The following SBF2 variants were observed in gnomAD, a reference collection of about 807,000 sequenced individuals.
The protein encoded by SBF2 is SET binding factor 2, also known as myotubularin-related protein 13.
A neutral mutation model predicts 225.2 loss-of-function variants in SBF2; 112 were observed. The ratio of observed to expected loss-of-function variants is 0.50; its 90% CI spans 0.43 to 0.58. The LOEUF (loss-of-function observed/expected upper bound fraction) is 0.58. Among genes scored for constraint, SBF2 ranks in the 20% least tolerant of loss-of-function variants. The pLI, the probability that SBF2 is intolerant of heterozygous loss-of-function variation, is 0.00. For missense variants in SBF2, 1,996 were observed against 2,206.2 expected, an observed-to-expected ratio of 0.90 and a Z score of 1.91; for synonymous variants, 763 against 773.3, an observed-to-expected ratio of 0.99 and a Z score of 0.22.
At chr11:9,845,932 A>G (rs1564908643) in intron 23 of SBF2, among the ~76,000 whole-genome samples, 192 bp from the exon 24 acceptor site, 1 of 152,222 alleles carries the variant, frequency 6.6e-6, no homozygotes, top group Admixed American at 6.5e-5. Context: ...ATAAATGGCT[A>G]GTTGGCAAGG....
chr11:10,074,930 T>A (rs555286553), intron 2 of SBF2, among the ~76,000 whole-genome samples: 1 of 152,222 alleles, frequency 6.6e-6, no homozygotes, highest in African/African-American at 2.4e-5. Context: ...GATATAATAG[T>A]TTAAAAGTTA....
At chr11:9,939,100 T>C (rs1235177106) in intron 16 of SBF2, among the ~76,000 whole-genome samples, 1 of 147,002 alleles carries the variant, frequency 6.8e-6, no homozygotes, top group Non-Finnish European at 1.5e-5. Context: ...ATTTTATTTA[T>C]TTTATTTTAC....
intron 3 of SBF2, 76 bp from the exon 4 acceptor site, chr11:10,031,246 C>G (rs1949245369): frequency 2.2e-6 from 3 of 1,370,660 alleles, no homozygotes; most frequent in Admixed American, 3.6e-5. Context: ...TGAATATCAC[C>G]TTAAATATAA....
Position 9,961,977 on chromosome 11 carries a change from T to A in SBF2, c.1840A>T (p.Met614Leu). The A allele has an allele frequency of 6.2e-7, 1 of 1,613,852 alleles. No homozygotes were observed. Among genetic ancestry groups the A allele is most frequent in the Non-Finnish European group, 8.5e-7 (1 of 1,179,768 alleles). Residue 614 changes from methionine to leucine, a missense_variant, in exon 16 of 40, where the codon ATG (methionine) becomes TTG (leucine). Transcript: ENST00000256190. The part of the protein sequence containing the change: ...DHQQFDYIIR[M>L]MNCTLQDCSS... The stretch of plus-strand genomic sequence containing the variant: ...ATTACCTGTAGAGTACAATTCATCA[T>A]CCTTATTATGTAGTCAAACTGTTGA...
intron 26 of SBF2, among the ~76,000 whole-genome samples, chr11:9,835,092 C>T (rs931082199): frequency 6.6e-6 from 1 of 152,202 alleles, no homozygotes; most frequent in African/African-American, 2.4e-5. Flanking sequence ...TTCCCTGCCA[C>T]CCATCCTAAC....
At chr11:9,951,955 G>A (rs986601918) in intron 16 of SBF2, among the ~76,000 whole-genome samples, 10 of 152,226 alleles carry the variant, frequency 6.6e-5, no homozygotes, top group African/African-American at 2.4e-4. Context: ...TTGAGTGACA[G>A]CTTCATTATA....
intron 2 of SBF2, among the ~76,000 whole-genome samples, chr11:10,139,330 C>T (rs560092944): frequency 1.3e-5 from 2 of 152,180 alleles, no homozygotes; most frequent in African/African-American, 2.4e-5. Flanking sequence ...GCAGTTTTTT[C>T]CTTGTGTTAG....
At chr11:10,185,526 C>G (rs1034603147) in intron 2 of SBF2, among the ~76,000 whole-genome samples, 1 of 152,026 alleles carries the variant, frequency 6.6e-6, no homozygotes, top group Non-Finnish European at 1.5e-5. Context: ...CAAATCATAG[C>G]TCACTGCTGC....
At chr11:9,913,101 T>C (rs1040679534) in intron 16 of SBF2, among the ~76,000 whole-genome samples, 1 of 152,084 alleles carries the variant, frequency 6.6e-6, no homozygotes, top group Non-Finnish European at 1.5e-5. Context: ...CTGGGCAACA[T>C]GGTGAAACCC....
At chr11:10,218,914 G>A (rs1390017911) in intron 1 of SBF2, among the ~76,000 whole-genome samples, 1 of 152,216 alleles carries the variant, frequency 6.6e-6, no homozygotes, top group South Asian at 2.1e-4. Flanking sequence ...TGGCTTTGCA[G>A]GGTATAGCCC....
chr11:10,114,182 T>C (rs1015648291), intron 2 of SBF2, among the ~76,000 whole-genome samples: 11 of 151,766 alleles, frequency 7.2e-5, no homozygotes, highest in Non-Finnish European at 1.5e-4. Flanking sequence ...TTAAATTAGA[T>C]AATGCATGTA....
At chr11:10,171,517 C>T (rs1956186426) in intron 2 of SBF2, among the ~76,000 whole-genome samples, 1 of 152,122 alleles carries the variant, frequency 6.6e-6, no homozygotes, top group Admixed American at 6.5e-5. Flanking sequence ...ATCTTTTAAA[C>T]ATTTTGTTAA....
At chr11:9,802,377 T>G (rs1853543382) in intron 32 of SBF2, among the ~76,000 whole-genome samples, 1 of 152,236 alleles carries the variant, frequency 6.6e-6, no homozygotes, top group Non-Finnish European at 1.5e-5. Context: ...AAACAATGGC[T>G]TTTTATATGA....
At chr11:10,285,829 C>T (rs1288872598) in intron 1 of SBF2, among the ~76,000 whole-genome samples, 1 of 152,118 alleles carries the variant, frequency 6.6e-6, no homozygotes, top group Non-Finnish European at 1.5e-5. Flanking sequence ...AACCTGGACA[C>T]CCTCCACCAA....
At chr11:10,042,795 C>G (rs1949701728) in intron 3 of SBF2, 49 bp downstream of exon 3, 1 of 1,596,956 alleles carries the variant, frequency 6.3e-7, no homozygotes, top group Non-Finnish European at 8.6e-7. Context: ...AAAAACATTC[C>G]TAAATGTTGT....
intron 26 of SBF2, among the ~76,000 whole-genome samples, chr11:9,833,304 A>G (rs1301195047): frequency 6.6e-6 from 1 of 152,224 alleles, no homozygotes; most frequent in African/African-American, 2.4e-5. Context: ...AATAAATGCA[A>G]GAAGACAGGC....
chr11:9,970,080 G>A (rs1438054746), intron 13 of SBF2, among the ~76,000 whole-genome samples: 2 of 152,140 alleles, frequency 1.3e-5, no homozygotes, highest in Non-Finnish European at 2.9e-5. Flanking sequence ...AAGTTCTCTA[G>A]GGAAGGCTGC....
intron 9 of SBF2, among the ~76,000 whole-genome samples, chr11:9,994,424 G>A (rs1426234419): frequency 4.0e-5 from 6 of 150,126 alleles, no homozygotes; most frequent in Non-Finnish European, 7.4e-5. Flanking sequence ...GCAGTGAGCC[G>A]AGATTGCGCC....
At chr11:10,023,047 T>G (rs757777782) in intron 6 of SBF2, among the ~76,000 whole-genome samples, 6 of 152,204 alleles carry the variant, frequency 3.9e-5, no homozygotes, top group Non-Finnish European at 5.9e-5. Flanking sequence ...CATTGAGGAT[T>G]GCAAAATGAT....
Sources: allele counts gnomAD v4.1 joint callset (sites outside exome capture counted in the v4.1 genomes callset), GRCh38; gene constraint gnomAD v4.1.1; transcripts MANE v1.5; gene names NCBI Gene and HGNC (gene_info 2026-07-23, HGNC 2026-07-21).